Variants in SVIL observed in about 807,000 individuals in gnomAD.
The protein encoded by SVIL is supervillin.
A neutral mutation model predicts 240.4 loss-of-function variants in SVIL; 101 were observed. The observed-to-expected ratio is 0.42, with a 90% CI of 0.36 to 0.50. The LOEUF is 0.50. SVIL is among the 20% of genes least tolerant of loss of function. SVIL has a pLI of 0.01. For missense variants in SVIL, 2,512 were observed against 2,818.7 expected (o/e 0.89, Z 2.46); for synonymous variants, 999 against 1,100.0 (o/e 0.91, Z 1.82).
rs200788656 is a variant in SVIL, at chr10:29,554,761, G to C, written c.160+22C>G. 4,275 of 1,518,542 alleles carry C rather than the reference G, an allele frequency of 2.8e-3. 24 individuals carry two copies. The highest frequency in any genetic ancestry group is 2.4e-3 in the Non-Finnish European group (2,716 of 1,135,030). 94.1% of individuals were successfully genotyped at this position (1,518,542 alleles called of 1,614,324 possible). A position where few individuals can be genotyped will look rare whatever the true frequency, so the allele number is the denominator to read the frequency against. ...CAGCCAGGCAGCCTGCTGGAAAATG[G>C]GCCACCCAGCTCCACGCTCACCGAT... On this transcript the variant is annotated intron_variant, in intron 5 of 37. Coordinates refer to ENST00000355867, the MANE Select transcript of SVIL (RefSeq NM_021738.3).
At chr10:29,708,146 T>C (rs1230561018) in intron 1 of SVIL, among the ~76,000 whole-genome samples, 5 of 149,360 alleles carry the variant, frequency 3.3e-5, no homozygotes, top group Non-Finnish European at 5.9e-5. Context: ...TAGTCCCAGC[T>C]ACTCGGGAGG....
At chr10:29,565,252 C>A (rs1954872996) in intron 2 of SVIL, among the ~76,000 whole-genome samples, 1 of 152,168 alleles carries the variant, frequency 6.6e-6, no homozygotes, top group Non-Finnish European at 1.5e-5. Context: ...AAGAAACTGT[C>A]CCTGAGTTAA....
chr10:29,709,163 T>C (rs1963110267), intron 1 of SVIL, among the ~76,000 whole-genome samples: 1 of 152,204 alleles, frequency 6.6e-6, no homozygotes, highest in South Asian at 2.1e-4. Flanking sequence ...GTACCCCTTA[T>C]CCAAAATGCT....
intron 1 of SVIL, among the ~76,000 whole-genome samples, chr10:29,579,897 C>A (rs1453963392): frequency 6.6e-6 from 1 of 151,978 alleles, no homozygotes; most frequent in Non-Finnish European, 1.5e-5. Flanking sequence ...GGGGCGGATG[C>A]AAGGCTGAGG....
chr10:29,529,333 AG>A (rs1951185553), intron 12 of SVIL, among the ~76,000 whole-genome samples: 1 of 152,150 alleles, frequency 6.6e-6, no homozygotes, highest in South Asian at 2.1e-4. Context: ...ACAGGAGGAA[AG>A]GGGAAATGAA....
At chr10:29,528,512 G>A (rs572800424) in intron 12 of SVIL, among the ~76,000 whole-genome samples, 15 of 152,162 alleles carry the variant, frequency 9.9e-5, no homozygotes, top group Non-Finnish European at 1.8e-4. Flanking sequence ...GCTGAGGTGG[G>A]AGGATCGCTT....
intron 29 of SVIL, among the ~76,000 whole-genome samples, chr10:29,476,539 A>G (rs1021898361): frequency 5.3e-5 from 8 of 152,056 alleles, no homozygotes; most frequent in Non-Finnish European, 1.0e-4. Flanking sequence ...AAGTGCTGGG[A>G]TTACAGGTGC....
rs147401631 is a variant in SVIL, at chr10:29,695,299, G to A, written c.-399-8648C>T. ...ATGAGAAGGGGTAGTGGGAGTGAGG[G>A]ATGAAAAAGTACTTATTGGGTACAA... On this transcript the variant is annotated intron_variant, in intron 1 of 35. Coordinates refer to the SVIL transcript ENST00000375400. 4.8e-3 allele frequency among the ~76,000 whole-genome samples: 730 copies of A among 152,236 alleles called. 6 individuals are homozygous for A. Among genetic ancestry groups the A allele is most frequent in the African/African-American group, 0.013 (553 of 41,534 alleles).
chr10:29,697,056 A>G (rs1962123205), intron 1 of SVIL, among the ~76,000 whole-genome samples: 1 of 126,254 alleles, frequency 7.9e-6, no homozygotes, highest in Non-Finnish European at 1.7e-5. Flanking sequence ...CCCGTCCGGG[A>G]GGTGAGGGGC....
At position 29,681,612 on chromosome 10, in the gene SVIL, A is replaced by G. The variant is rs149605234; in HGVS notation, c.-301+4941T>C. 3.7e-4 allele frequency among the ~76,000 whole-genome samples: 57 copies of G among 152,324 alleles called. No individual in the cohort carries two copies. The East Asian group carries it at 0.01, about 27-fold the overall frequency. On this transcript the variant is annotated intron_variant, in intron 2 of 35. Transcript: ENST00000375400. ...ATTTCCTTTCCAGACAAAGAAGCTT[A>G]GCATAGAAGTTGTGCAAAAGTGTGC...
chr10:29,695,087 G>A (rs1291404412), intron 1 of SVIL, among the ~76,000 whole-genome samples: 1 of 152,124 alleles, frequency 6.6e-6, no homozygotes, highest in African/African-American at 2.4e-5. Context: ...GAGGTCAAGA[G>A]AGACCTCCGG....
Position 29,577,678 on chromosome 10 carries a change from C to A in SVIL, c.-200-8366G>T, listed in dbSNP as rs1249144736. ...ATGTGTCTTTTTTATATAATGACTT[C>A]TTTTCCTTTGGGTAGATACCCAGTA... is the stretch of plus-strand genomic sequence containing the variant. On this transcript the variant is annotated intron_variant, in intron 1 of 37. Transcript: ENST00000355867. 2.0e-5 allele frequency among the ~76,000 whole-genome samples: 3 copies of A among 152,026 alleles called. No individual in the cohort carries two copies. The East Asian group carries it at 5.8e-4, about 29-fold the overall frequency.
At chr10:29,602,858 C>T (rs1956869109) in intron 1 of SVIL, among the ~76,000 whole-genome samples, 1 of 152,118 alleles carries the variant, frequency 6.6e-6, no homozygotes, top group African/African-American at 2.4e-5. Context: ...TGGTGGCAGG[C>T]ACCTGTAATT....
intron 1 of SVIL, among the ~76,000 whole-genome samples, chr10:29,710,000 C>T (rs750916300): frequency 2.0e-5 from 3 of 151,976 alleles, no homozygotes; most frequent in Admixed American, 1.3e-4. Flanking sequence ...CTTCTGAACT[C>T]GATCTTGCCT....
intron 1 of SVIL, among the ~76,000 whole-genome samples, chr10:29,597,168 C>T (rs571933579): frequency 3.3e-5 from 5 of 152,276 alleles, no homozygotes; most frequent in East Asian, 1.9e-4. Flanking sequence ...CTTGGGCATA[C>T]GCGTTAAGAG....
chr10:29,560,915 G>A (rs929691221), intron 3 of SVIL, among the ~76,000 whole-genome samples: 3 of 148,450 alleles, frequency 2.0e-5, no homozygotes, highest in African/African-American at 5.0e-5. Context: ...CTTGGCTCAC[G>A]GCAACCTCCG....
intron 32 of SVIL, chr10:29,469,160 G>A (rs1180441900): frequency 6.6e-6 from 1 of 152,154 alleles, no homozygotes; most frequent in Non-Finnish European, 1.5e-5. Flanking sequence ...CTTTTCCTCA[G>A]TGGTCCAAGT....
At chr10:29,655,995 C>T (rs918124184) in intron 3 of SVIL, among the ~76,000 whole-genome samples, 4 of 151,286 alleles carry the variant, frequency 2.6e-5, no homozygotes, top group Admixed American at 2.6e-4. Context: ...CTCAGCCTCC[C>T]GAGTAGCTGG....
At chr10:29,479,667 T>C (rs1471467664) in intron 29 of SVIL, among the ~76,000 whole-genome samples, 1 of 152,190 alleles carries the variant, frequency 6.6e-6, no homozygotes, top group Non-Finnish European at 1.5e-5. Context: ...AGATGCATCT[T>C]GTATAAATCA....
Sources: allele counts gnomAD v4.1 joint callset (sites outside exome capture counted in the v4.1 genomes callset), GRCh38; gene constraint gnomAD v4.1.1; transcripts MANE v1.5; gene names NCBI Gene and HGNC (gene_info 2026-07-23, HGNC 2026-07-21).